PLCH1: variants seen among roughly 807,000 people sequenced by gnomAD.
PLCH1 encodes phospholipase C eta 1, also known as 1-phosphatidylinositol 4,5-bisphosphate phosphodiesterase eta-1.
PLCH1 carries 60 observed loss-of-function variants against 126.7 expected under a neutral mutation model. The observed-to-expected ratio is 0.47, with a 90% CI of 0.38 to 0.59. The LOEUF (loss-of-function observed/expected upper bound fraction) is 0.59. PLCH1 is among the 20% of genes least tolerant of loss of function. The pLI, the probability that PLCH1 is intolerant of heterozygous loss-of-function variation, is 0.00. For synonymous variants in PLCH1, 719 were observed against 734.9 expected, an observed-to-expected ratio of 0.98 and a Z score of 0.35; for missense variants, 1,723 against 2,040.0, an observed-to-expected ratio of 0.84 and a Z score of 2.99.
At chr3:155,670,877 T>C (rs1743351597) in intron 2 of PLCH1, among the ~76,000 whole-genome samples, 1 of 152,152 alleles carries the variant, frequency 6.6e-6, no homozygotes, top group Admixed American at 6.5e-5. Flanking sequence ...TACCATACTG[T>C]TCCCCTTTCC....
intron 22 of PLCH1, among the ~76,000 whole-genome samples, chr3:155,483,901 G>A (rs954249144): frequency 2.0e-5 from 3 of 152,034 alleles, no homozygotes; most frequent in African/African-American, 7.2e-5. Context: ...TCAGAGTCAT[G>A]ATATATAAGA....
At chr3:155,614,962 C>T (rs765530873) in intron 2 of PLCH1, among the ~76,000 whole-genome samples, 1 of 152,054 alleles carries the variant, frequency 6.6e-6, no homozygotes, top group Non-Finnish European at 1.5e-5. Flanking sequence ...AAAGCTTCTG[C>T]ACAGCAGAAG....
At chr3:155,627,501 G>A (rs991833585) in intron 2 of PLCH1, among the ~76,000 whole-genome samples, 2 of 151,960 alleles carry the variant, frequency 1.3e-5, no homozygotes, top group African/African-American at 4.8e-5. Flanking sequence ...CGGCGTGGTG[G>A]CGGGTGCCTG....
intron 6 of PLCH1, among the ~76,000 whole-genome samples, chr3:155,573,135 T>C (rs1378862781): frequency 6.6e-6 from 1 of 152,216 alleles, no homozygotes; most frequent in East Asian, 1.9e-4. Flanking sequence ...TTCCTCCTCC[T>C]TGCATTACCT....
chr3:155,513,974 A>T (rs568773520), intron 12 of PLCH1, among the ~76,000 whole-genome samples: 1 of 152,320 alleles, frequency 6.6e-6, no homozygotes, highest in South Asian at 2.1e-4. Flanking sequence ...ATGGACCAAG[A>T]AACATGTAAC....
chr3:155,724,814 TG>T (rs1553764571), intron 1 of PLCH1, among the ~76,000 whole-genome samples: 2 of 36,202 alleles, frequency 5.5e-5, no homozygotes, highest in African/African-American at 4.8e-4. Flanking sequence ...TGGGGGGTTT[TG>T]TGTGTGTGTG....
At chr3:155,476,525 T>C (rs1015820355), downstream of PLCH1, among the ~76,000 whole-genome samples, 9 of 152,148 alleles carry the variant, frequency 5.9e-5, no homozygotes, top group Admixed American at 3.9e-4. Flanking sequence ...AAGGATGATA[T>C]GATCTTATAT....
At chr3:155,676,539 A>G (rs1455589900) in intron 2 of PLCH1, 3 of 225,334 alleles carry the variant, frequency 1.3e-5, no homozygotes, top group Admixed American at 6.5e-5. Context: ...GAAAATGAAC[A>G]TGCACACACA....
chr3:155,676,193 A>T, intron 2 of PLCH1: 1 of 1,304,736 alleles, frequency 7.7e-7, no homozygotes, highest in Non-Finnish European at 9.8e-7. Context: ...GCTGCCCTTT[A>T]TGGCATGATG....
rs1445957491 is a variant in PLCH1, at chr3:155,458,381, AGAAAGAAGGAAG to A, written c.2938+26963_2938+26974del. 7.8e-4 allele frequency among the ~76,000 whole-genome samples: 80 copies of A among 103,170 alleles called. 2 individuals are homozygous for A. The highest frequency in any genetic ancestry group is 9.1e-4 in the African/African-American group (19 of 20,858). 67.7% of individuals were successfully genotyped at this position (103,170 alleles called of 152,430 possible). A position where few individuals can be genotyped will look rare whatever the true frequency, so the allele number is the denominator to read the frequency against. On this transcript the variant is annotated intron_variant, in intron 21 of 21. Coordinates refer to the PLCH1 transcript ENST00000494598. ...AAAGAAAGAAAGAAGAAAGAAAGAA[AGAAAGAAGGAAG>A]GAAGGAAGGAAGGAAGGAAGGAAGG...
intron 8 of PLCH1, among the ~76,000 whole-genome samples, chr3:155,559,311 G>A (rs1001484903): frequency 3.3e-5 from 5 of 151,794 alleles, no homozygotes; most frequent in East Asian, 1.9e-4. Context: ...GAGAATGCAC[G>A]GAAAACACTT....
At chr3:155,621,253 C>T (rs191566779) in intron 2 of PLCH1, among the ~76,000 whole-genome samples, 14 of 152,216 alleles carry the variant, frequency 9.2e-5, no homozygotes, top group Admixed American at 2.6e-4. Context: ...AGACCCCATC[C>T]GAAGGTCACT....
intron 10 of PLCH1, among the ~76,000 whole-genome samples, chr3:155,529,391 T>G (rs1319485392): frequency 1.1e-4 from 1 of 9,014 alleles, no homozygotes; most frequent in African/African-American, 1.6e-4. Flanking sequence ...TACTATTTGT[T>G]TTTTTTTTTC....
intron 12 of PLCH1, among the ~76,000 whole-genome samples, chr3:155,508,588 T>C (rs1185169514): frequency 1.1e-4 from 15 of 139,020 alleles, no homozygotes; most frequent in Admixed American, 2.2e-4. Flanking sequence ...TGTCAAAGGC[T>C]TTTTCTGCAT....
chr3:155,635,905 A>G (rs1289598684), intron 2 of PLCH1, among the ~76,000 whole-genome samples: 2 of 152,258 alleles, frequency 1.3e-5, no homozygotes, highest in African/African-American at 4.8e-5. Context: ...TAAATCCCAT[A>G]TAAGAAATTT....
At chr3:155,520,309 A>C (rs1475445658) in intron 11 of PLCH1, among the ~76,000 whole-genome samples, 2 of 152,248 alleles carry the variant, frequency 1.3e-5, no homozygotes, top group Non-Finnish European at 2.9e-5. Context: ...AAAAGGAATG[A>C]TAGGAAAAAA....
At chr3:155,740,218 C>G (rs1749515282) in intron 1 of PLCH1, among the ~76,000 whole-genome samples, 1 of 152,106 alleles carries the variant, frequency 6.6e-6, no homozygotes. Flanking sequence ...CGAGACCAGT[C>G]TGGCCAACAT....
chr3:155,645,790 T>C (rs1355346373), intron 2 of PLCH1, among the ~76,000 whole-genome samples: 5 of 151,954 alleles, frequency 3.3e-5, no homozygotes, highest in Non-Finnish European at 5.9e-5. Flanking sequence ...CAAGACAATA[T>C]GGAGAGCAGG....
Position 155,596,257 on chromosome 3 carries a change from G to C in PLCH1, c.201C>G (p.Pro67=). The C allele has an allele frequency of 5.0e-6, 8 of 1,613,550 alleles. No homozygotes were observed. Among genetic ancestry groups the C allele is most frequent in the Non-Finnish European group, 6.8e-6 (8 of 1,179,588 alleles). The stretch of plus-strand genomic sequence containing the variant: ...TTTTTGCCTTCTCACTCTTCCTAGA[G>C]GGTCGCCATCGGAGGCGTGTCCGGT... ...DEHRTRLRWR[P]SRKSEKAKIL... is the part of the protein sequence containing the mutation. Residue 67 remains proline, a synonymous_variant, in exon 3 of 23, where the codon CCC becomes CCG. Transcript: ENST00000460012.
Sources: allele counts gnomAD v4.1 joint callset (sites outside exome capture counted in the v4.1 genomes callset), GRCh38; gene constraint gnomAD v4.1.1; transcripts MANE v1.5; gene names NCBI Gene and HGNC (gene_info 2026-07-23, HGNC 2026-07-21).